DDX60L: variants seen among roughly 807,000 people sequenced by gnomAD.
The protein encoded by DDX60L is probable ATP-dependent RNA helicase DDX60-like.
In DDX60L, 191 loss-of-function variants were observed where a neutral mutation model predicts 211.6. That is an observed-to-expected ratio of 0.90 (90% CI 0.80 to 1.02). The LOEUF is 1.02. Ranked by LOEUF, DDX60L falls within the 50% of genes least tolerant of loss-of-function variation. The pLI, the probability that DDX60L is intolerant of heterozygous loss-of-function variation, is 0.00. For missense variants in DDX60L, 2,007 were observed against 1,984.1 expected (o/e 1.01, Z -0.22); for synonymous variants, 706 against 694.1 (o/e 1.02, Z -0.27).
chr4:168,436,029 G>T (rs1299386023), intron 10 of DDX60L, among the ~76,000 whole-genome samples: 5 of 152,200 alleles, frequency 3.3e-5, no homozygotes, highest in Non-Finnish European at 7.3e-5. Context: ...TTTCTTAGGA[G>T]AAGGGTAGTT....
chr4:168,408,036 T>C (rs1480703622), intron 22 of DDX60L, among the ~76,000 whole-genome samples: 2 of 152,234 alleles, frequency 1.3e-5, no homozygotes, highest in Non-Finnish European at 2.9e-5. Flanking sequence ...ACTGTATTCA[T>C]TATCTCAGAA....
chr4:168,447,512 C>T (rs1169488029), intron 9 of DDX60L, among the ~76,000 whole-genome samples: 1 of 151,988 alleles, frequency 6.6e-6, no homozygotes, highest in Non-Finnish European at 1.5e-5. Context: ...TACCATTTGA[C>T]CCAGCCATCC....
At chr4:168,392,613 G>A (rs1244355103) in intron 28 of DDX60L, among the ~76,000 whole-genome samples, 1 of 152,110 alleles carries the variant, frequency 6.6e-6, no homozygotes, top group East Asian at 1.9e-4. Flanking sequence ...GGAGGCCAAG[G>A]CAGGCCGATC....
intron 22 of DDX60L, among the ~76,000 whole-genome samples, chr4:168,412,346 G>A (rs959897086): frequency 1.1e-4 from 17 of 152,118 alleles, no homozygotes; most frequent in East Asian, 5.8e-4. Flanking sequence ...CCCTGGGCCA[G>A]AGAAAAGCCT....
chr4:168,441,333 G>C lies in DDX60L; in HGVS notation c.1294+4C>G. The C allele has an allele frequency of 1.2e-6, 2 of 1,601,572 alleles. No individual in the cohort carries two copies. The highest frequency in any genetic ancestry group is 1.7e-6 in the Non-Finnish European group (2 of 1,174,250). ...TGTTCCACTTTAATTTACCCATTTA[G>C]TACCTTGAATGACCGATTTCTCTTG... On this transcript the variant is annotated splice_donor_region_variant and intron_variant, in intron 10 of 37. Transcript: ENST00000682922.
intron 1 of DDX60L, among the ~76,000 whole-genome samples, chr4:168,477,545 A>T (rs1384000941): frequency 6.6e-6 from 1 of 152,212 alleles, no homozygotes; most frequent in Non-Finnish European, 1.5e-5. Flanking sequence ...TAATACTAAC[A>T]ATTAAACCAT....
Position 168,416,663 on chromosome 4 carries a change from T to A in DDX60L, c.2726+19A>T. 1 of 1,489,002 alleles carries A rather than the reference T, an allele frequency of 6.7e-7. No homozygotes were observed. The highest frequency in any genetic ancestry group is 9.2e-7 in the Non-Finnish European group (1 of 1,090,998). 92.2% of individuals were successfully genotyped at this position (1,489,002 alleles called of 1,614,324 possible). ...CAACCACTGAATATATAACAACCAC[T>A]CTTTTTACCTATACCTACTTGGTGA... On this transcript the variant is annotated intron_variant, in intron 20 of 37. Transcript: ENST00000682922.
At chr4:168,448,509 C>T (rs776410180) in intron 9 of DDX60L, 129 bp downstream of exon 9, 211 of 604,112 alleles carry the variant, frequency 3.5e-4, no homozygotes, top group Middle Eastern at 1.4e-3. Context: ...AAATAAAATA[C>T]GTAAAAAGTA....
chr4:168,425,296 T>C (rs1225125353), intron 14 of DDX60L, among the ~76,000 whole-genome samples: 1 of 152,220 alleles, frequency 6.6e-6, no homozygotes, highest in East Asian at 1.9e-4. Context: ...ATGAGCATAG[T>C]CTCTGACAGC....
chr4:168,427,697 G>C (rs1339052591), intron 13 of DDX60L, among the ~76,000 whole-genome samples: 1 of 152,156 alleles, frequency 6.6e-6, no homozygotes, highest in Non-Finnish European at 1.5e-5. Context: ...ACCCCACAAA[G>C]CATTTTGGGC....
intron 5 of DDX60L, among the ~76,000 whole-genome samples, chr4:168,458,659 C>T (rs771858293): frequency 1.4e-4 from 21 of 152,014 alleles, no homozygotes; most frequent in Non-Finnish European, 2.6e-4. Flanking sequence ...GTTGGGGGAA[C>T]GGGGGAGGGA....
intron 11 of DDX60L, 128 bp from the exon 12 acceptor site, chr4:168,432,698 A>T (rs1752530188): frequency 1.9e-6 from 1 of 525,128 alleles, no homozygotes; most frequent in Admixed American, 3.9e-5. Flanking sequence ...GGGTCATAAA[A>T]CCTCAGAGAC....
chr4:168,368,505 G>A (rs1301195907), intron 36 of DDX60L, among the ~76,000 whole-genome samples: 1 of 152,262 alleles, frequency 6.6e-6, no homozygotes, highest in Non-Finnish European at 1.5e-5. Context: ...TTCTCAGGCA[G>A]TGAAGAAGGA....
intron 37 of DDX60L, among the ~76,000 whole-genome samples, chr4:168,358,973 T>C (rs1738645026): frequency 6.6e-6 from 1 of 152,168 alleles, no homozygotes; most frequent in African/African-American, 2.4e-5. Flanking sequence ...GGGACAATTA[T>C]TTTTAAAAAC....
intron 4 of DDX60L, among the ~76,000 whole-genome samples, chr4:168,464,806 CAT>C: frequency 6.6e-6 from 1 of 152,110 alleles, no homozygotes; most frequent in East Asian, 1.9e-4. Flanking sequence ...CCAAGATCAT[CAT>C]GTTGCCACAA....
intron 35 of DDX60L, 148 bp downstream of exon 35, chr4:168,373,518 T>C (rs1292569644): frequency 1.6e-5 from 13 of 801,902 alleles, no homozygotes; most frequent in Non-Finnish European, 2.0e-5. Context: ...CACACTGGCC[T>C]CCAGGGCTTC....
rs571206080 is a variant in DDX60L at position 168,458,131 on chromosome 4, G to A, written c.607-123C>T. ...ATTATCTCATGCTGGTCAGAATGGCGATTACTAAAAAGTCAAGAAACAACA... is the reference window on the plus strand; with the variant it reads ...ATTATCTCATGCTGGTCAGAATGGCAATTACTAAAAAGTCAAGAAACAACA... On this transcript the variant is annotated intron_variant, in intron 5 of 37. Transcript: ENST00000682922. 23 of 542,242 alleles carry A rather than the reference G, an allele frequency of 4.2e-5. No individual in the cohort carries two copies. In the South Asian group the frequency reaches 5.9e-4, roughly 14 times the overall value. The allele number at this position is 542,242 out of a possible 1,614,324, so 33.6% of individuals were successfully genotyped here.
intron 33 of DDX60L, among the ~76,000 whole-genome samples, chr4:168,376,544 T>A (rs1253065293): frequency 6.6e-6 from 1 of 152,194 alleles, no homozygotes; most frequent in African/African-American, 2.4e-5. Context: ...TTACAGTGGA[T>A]AGTATGACAA....
In DDX60L at chr4:168,421,872, G is replaced by A. The variant is rs774470369; in HGVS notation, c.2282C>T (p.Ala761Val). 1 of 1,614,158 alleles carries A rather than the reference G, an allele frequency of 6.2e-7. No homozygotes were observed. Among genetic ancestry groups the A allele is most frequent in the South Asian group, 1.1e-5 (1 of 91,084 alleles). The change falls in exon 17 of 38, where the codon GCA becomes GTA. Residue 761 changes from alanine (A) to valine (V), a missense_variant. Transcript: ENST00000682922. ...TGAGGACGTTGGGGCAACAATCACT[G>A]CTGACTCATTCTTATCTACCACATC... Reference protein sequence around the residue: ...LLDVVDKNESAVIVAPTSSGK... With the variant: ...LLDVVDKNESVVIVAPTSSGK...
Sources: allele counts gnomAD v4.1 joint callset (sites outside exome capture counted in the v4.1 genomes callset), GRCh38; gene constraint gnomAD v4.1.1; transcripts MANE v1.5; gene names NCBI Gene and HGNC (gene_info 2026-07-23, HGNC 2026-07-21).